DOCK1: variants seen among roughly 807,000 people sequenced by gnomAD.
The protein encoded by DOCK1 is dedicator of cytokinesis 1.
In DOCK1, 138 loss-of-function variants were observed where a neutral mutation model predicts 262.7. The observed-to-expected ratio is 0.53, with a 90% CI of 0.46 to 0.61. The LOEUF (loss-of-function observed/expected upper bound fraction) is 0.61, where lower values mean the gene tolerates loss of function less well. Ranked by LOEUF, DOCK1 falls within the 20% of genes least tolerant of loss-of-function variation. The probability of loss-of-function intolerance (pLI) is 0.00; values close to 1 mark genes in which losing one functional copy is unlikely to be tolerated. For synonymous variants in DOCK1, 866 were observed against 867.4 expected (o/e 1.00, Z 0.03); for missense variants, 1,908 against 2,370.7 (o/e 0.80, Z 4.05).
At chr10:127,126,519 C>A (rs1361649503) in intron 26 of DOCK1, among the ~76,000 whole-genome samples, 1 of 152,050 alleles carries the variant, frequency 6.6e-6, no homozygotes, top group Non-Finnish European at 1.5e-5. Flanking sequence ...TCGCTTGAGC[C>A]CAGGAGTTTA....
chr10:127,135,092 A>G (rs924440205), intron 27 of DOCK1, among the ~76,000 whole-genome samples: 1 of 152,218 alleles, frequency 6.6e-6, no homozygotes, highest in African/African-American at 2.4e-5. Context: ...GTACTGTGGC[A>G]ACACTCAATG....
intron 29 of DOCK1, among the ~76,000 whole-genome samples, chr10:127,310,758 T>C (rs1341144207): frequency 6.6e-6 from 1 of 152,014 alleles, no homozygotes; most frequent in Non-Finnish European, 1.5e-5. Flanking sequence ...TGTCGTGAAA[T>C]AGAAGGAAAT....
intron 27 of DOCK1, chr10:127,137,029 C>G (rs2050761367): frequency 6.6e-6 from 1 of 152,496 alleles, no homozygotes; most frequent in Admixed American, 6.6e-5. Context: ...TATTATTTGG[C>G]CTTTGGGTAC....
intron 1 of DOCK1, among the ~76,000 whole-genome samples, chr10:126,966,577 C>G (rs1334329165): frequency 3.3e-5 from 5 of 152,130 alleles, no homozygotes; most frequent in African/African-American, 1.2e-4. Flanking sequence ...TTGATACTAA[C>G]TATCCTAACT....
intron 27 of DOCK1, among the ~76,000 whole-genome samples, chr10:127,228,961 A>G (rs2058740013): frequency 6.6e-6 from 1 of 152,148 alleles, no homozygotes; most frequent in Admixed American, 6.5e-5. Context: ...GGCCGGGTGC[A>G]GTGGCTCACA....
At chr10:126,931,333 C>T (rs971606919) in intron 1 of DOCK1, among the ~76,000 whole-genome samples, 3 of 152,226 alleles carry the variant, frequency 2.0e-5, no homozygotes, top group Non-Finnish European at 2.9e-5. Flanking sequence ...AGCATTTGCA[C>T]GCTGTGCAGC....
chr10:127,253,434 A>G (rs1212286404), intron 28 of DOCK1, among the ~76,000 whole-genome samples: 1 of 152,118 alleles, frequency 6.6e-6, no homozygotes, highest in Non-Finnish European at 1.5e-5. Flanking sequence ...ATTCAATTCA[A>G]TTCTGACACC....
At chr10:127,427,990 G>A (rs1243364262) in intron 47 of DOCK1, among the ~76,000 whole-genome samples, 1 of 152,214 alleles carries the variant, frequency 6.6e-6, no homozygotes, top group African/African-American at 2.4e-5. Flanking sequence ...GAACAGGCCT[G>A]GAAATCAGGG....
intron 50 of DOCK1, among the ~76,000 whole-genome samples, chr10:127,445,459 T>C (rs907311853): frequency 6.6e-6 from 1 of 152,214 alleles, no homozygotes; most frequent in Non-Finnish European, 1.5e-5. Context: ...AAGAGCTTTC[T>C]GGGCACTGGA....
chr10:127,016,153 CAG>C (rs2041864912), intron 12 of DOCK1: 1 of 152,256 alleles, frequency 6.6e-6, no homozygotes, highest in Non-Finnish European at 1.5e-5. Flanking sequence ...AAACACCTGT[CAG>C]GGGAGGTCGT....
At chr10:127,237,363 GA>G (rs60864459) in intron 27 of DOCK1, among the ~76,000 whole-genome samples, 4,411 of 134,720 alleles carry the variant, frequency 0.033, 203 homozygotes, top group African/African-American at 0.11. Flanking sequence ...TCCATCTCAG[GA>G]AAAAAAAAAA....
chr10:127,323,987 A>T (rs1474935602), intron 29 of DOCK1, among the ~76,000 whole-genome samples: 1 of 152,236 alleles, frequency 6.6e-6, no homozygotes, highest in South Asian at 2.1e-4. Context: ...GTGGAGCAGG[A>T]TGCTGCATAC....
intron 38 of DOCK1, among the ~76,000 whole-genome samples, chr10:127,395,883 G>A (rs988392637): frequency 2.0e-5 from 3 of 152,222 alleles, no homozygotes; most frequent in East Asian, 1.9e-4. Context: ...AGTTCTTGCC[G>A]GGAGGAAGAT....
At chr10:127,087,597 C>T (rs979876563) in intron 23 of DOCK1, among the ~76,000 whole-genome samples, 17 of 152,262 alleles carry the variant, frequency 1.1e-4, no homozygotes, top group African/African-American at 4.1e-4. Context: ...AGTTAGACCA[C>T]AGTCCCCATT....
chr10:127,032,605 G>C (rs1419540881), intron 18 of DOCK1, among the ~76,000 whole-genome samples: 1 of 151,972 alleles, frequency 6.6e-6, no homozygotes. Context: ...CCAGGCTGGA[G>C]TGCAGTGGTG....
intron 1 of DOCK1, among the ~76,000 whole-genome samples, chr10:126,935,576 A>G (rs1487127436): frequency 1.3e-5 from 2 of 152,144 alleles, no homozygotes; most frequent in Non-Finnish European, 2.9e-5. Context: ...CTCAACCTGG[A>G]ATGCACCTTC....
At position 127,107,540 on chromosome 10, in the gene DOCK1, G is replaced by A. The variant is rs1355311085; in HGVS notation, c.2516+1239G>A. Among the ~76,000 whole-genome samples the A allele has an allele frequency of 3.3e-5, 5 of 152,172 alleles. No individual in the cohort carries two copies. In the East Asian group the frequency reaches 9.7e-4, roughly 29 times the overall value. ...GAAAAGGAGAAACACACAGGCTCAC[G>A]GGCGGTGTCTGCCCACCTGGCGCGC... On this transcript the variant is annotated intron_variant, in intron 24 of 51. Coordinates refer to ENST00000623213, the MANE Select transcript of DOCK1 (RefSeq NM_001290223.2).
intron 23 of DOCK1, among the ~76,000 whole-genome samples, chr10:127,063,627 C>A (rs886205911): frequency 3.9e-5 from 6 of 152,116 alleles, no homozygotes; most frequent in African/African-American, 1.4e-4. Flanking sequence ...GTGTTTGGTA[C>A]ATTTACTACT....
intron 21 of DOCK1, among the ~76,000 whole-genome samples, chr10:127,043,668 G>C (rs1030921513): frequency 1.3e-5 from 2 of 152,278 alleles, no homozygotes; most frequent in South Asian, 4.1e-4. Context: ...CCCTCTGCCC[G>C]TCTGTGCCCC....
Sources: gnomAD v4.1 joint callset for allele counts (sites outside exome capture counted in the v4.1 genomes callset) on GRCh38, gnomAD v4.1.1 for gene constraint, MANE v1.5 for transcripts, NCBI Gene and HGNC (gene_info 2026-07-23, HGNC 2026-07-21) for gene names.